ATG4C: variants seen among roughly 807,000 people sequenced by gnomAD.
ATG4C encodes the protein autophagy related 4C cysteine peptidase.
A neutral mutation model predicts 57.6 loss-of-function variants in ATG4C; 56 were observed. The ratio of observed to expected loss-of-function variants is 0.97; its 90% CI spans 0.78 to 1.21. The LOEUF is 1.21. Ranked by LOEUF, ATG4C falls within the 50% of genes most tolerant of loss-of-function variation. The probability of loss-of-function intolerance (pLI) is 0.00; values close to 1 mark genes in which losing one functional copy is unlikely to be tolerated. For synonymous variants in ATG4C, 157 were observed against 174.1 expected (o/e 0.90, Z 0.78); for missense variants, 595 against 529.8 (o/e 1.12, Z -1.21).
At chr1:62,804,575 C>A (rs1182902700) in intron 2 of ATG4C, among the ~76,000 whole-genome samples, 3 of 152,070 alleles carry the variant, frequency 2.0e-5, no homozygotes, top group African/African-American at 7.2e-5. Context: ...CCTCTTCCCA[C>A]ACAAAATAGA....
rs190581442 is a variant in ATG4C at position 62,828,247 on chromosome 1, A to T, written c.797-793A>T. On this transcript the variant is annotated intron_variant, in intron 6 of 10. Transcript: ENST00000317868. ...TATACTGCTTTCTACAAATGGTTAA[A>T]CTAATCTACACTCCCACCAGTGGTG... 1.7e-4 allele frequency among the ~76,000 whole-genome samples: 26 copies of T among 151,776 alleles called. No homozygotes were observed. In the East Asian group the frequency reaches 2.7e-3, roughly 16 times the overall value.
At chr1:62,842,344 C>T (rs1017867026) in intron 10 of ATG4C, among the ~76,000 whole-genome samples, 7 of 149,612 alleles carry the variant, frequency 4.7e-5, no homozygotes, top group Non-Finnish European at 1.0e-4. Flanking sequence ...TCTTGTTGCC[C>T]AGGCTGGAGT....
intron 9 of ATG4C, among the ~76,000 whole-genome samples, chr1:62,839,231 A>AT (rs914692209): frequency 6.6e-6 from 1 of 151,342 alleles, no homozygotes; most frequent in African/African-American, 2.4e-5. Context: ...GCTATTTAAA[A>AT]TTTTTTTTTA....
chr1:62,836,357 T>G (rs1292782696), intron 9 of ATG4C, among the ~76,000 whole-genome samples: 1 of 152,106 alleles, frequency 6.6e-6, no homozygotes, highest in Non-Finnish European at 1.5e-5. Flanking sequence ...AGTGGGACAC[T>G]TATAGAATGG....
At chr1:62,854,012 C>T (rs1408868196) in intron 10 of ATG4C, among the ~76,000 whole-genome samples, 1 of 151,700 alleles carries the variant, frequency 6.6e-6, no homozygotes, top group African/African-American at 2.4e-5. Flanking sequence ...TCTGCTTTAC[C>T]TTCTACCTAT....
intron 7 of ATG4C, 50 bp from the exon 8 acceptor site, chr1:62,833,988 A>ATAATT: frequency 2.6e-6 from 4 of 1,521,606 alleles, no homozygotes; most frequent in Non-Finnish European, 3.6e-6. Flanking sequence ...TTTGCTTTGA[A>ATAATT]TAATTACCAC....
intron 10 of ATG4C, among the ~76,000 whole-genome samples, chr1:62,843,528 A>T (rs1666234510): frequency 6.6e-6 from 1 of 152,164 alleles, no homozygotes; most frequent in Admixed American, 6.5e-5. Context: ...AATTAAAATA[A>T]CTTAAAATTA....
chr1:62,792,477 A>C lies in ATG4C; in HGVS notation c.-69+8204A>C, dbSNP rs192943247. On this transcript the variant is annotated intron_variant, in intron 1 of 10. Transcript: ENST00000317868. ...AGATGGGCTCTCCAATGGAAGGATT[A>C]GTTTCAGAGGTTACAACCAGGACCA... is the stretch of plus-strand genomic sequence containing the variant. Among the ~76,000 whole-genome samples, 127 of 152,336 alleles carry C rather than the reference A, an allele frequency of 8.3e-4. 1 individual carries two copies. The highest frequency in any genetic ancestry group is 1.6e-3 in the Non-Finnish European group (111 of 68,024).
intron 10 of ATG4C, among the ~76,000 whole-genome samples, chr1:62,847,849 G>A (rs921835622): frequency 6.6e-6 from 1 of 152,148 alleles, no homozygotes; most frequent in Admixed American, 6.5e-5. Flanking sequence ...TGGAAAACTT[G>A]AAGGTCAGAT....
At chr1:62,826,439 T>C (rs534012110) in intron 6 of ATG4C, among the ~76,000 whole-genome samples, 3 of 151,576 alleles carry the variant, frequency 2.0e-5, no homozygotes, top group South Asian at 4.2e-4. Flanking sequence ...GGTTTCACCA[T>C]GTAAGCCAGG....
At chr1:62,857,575 AC>A (rs1374753775) in intron 10 of ATG4C, among the ~76,000 whole-genome samples, 1 of 151,382 alleles carries the variant, frequency 6.6e-6, no homozygotes, top group South Asian at 2.1e-4. Context: ...ATCCATCCCC[AC>A]CCCCCCAGTC....
In ATG4C at chr1:62,819,219, G is replaced by A; in HGVS notation, c.609G>A (p.Trp203Ter). The A allele has an allele frequency of 6.2e-7, 1 of 1,613,570 alleles. No homozygotes were observed. Among genetic ancestry groups the A allele is most frequent in the African/African-American group, 1.3e-5 (1 of 75,016 alleles). The part of the protein sequence containing the change: ...NEVYHRKIIS[W>*]FGDSPLALFG... ...TTTATCATAGGAAAATCATCTCTTG[G>A]TTTGGTGATTCCCCCTTGGCTCTTT... is the stretch of plus-strand genomic sequence containing the variant. Residue 203 changes from tryptophan (W) to a stop codon, truncating the protein, a stop_gained, in exon 5 of 11, where the codon TGG (tryptophan) becomes TGA (stop). Coordinates refer to ENST00000317868, the MANE Select transcript of ATG4C (RefSeq NM_032852.4). LOFTEE classifies it high-confidence loss of function.
intron 1 of ATG4C, among the ~76,000 whole-genome samples, chr1:62,792,247 G>A (rs1272420106): frequency 1.3e-5 from 2 of 151,890 alleles, no homozygotes; most frequent in East Asian, 1.9e-4. Context: ...CACCCGCCTC[G>A]GCCTCCCAAA....
At chr1:62,813,509 T>G (rs895597708) in intron 3 of ATG4C, among the ~76,000 whole-genome samples, 7 of 152,168 alleles carry the variant, frequency 4.6e-5, no homozygotes, top group Non-Finnish European at 8.8e-5. Flanking sequence ...GAAGAAAACC[T>G]AGGCAATACC....
intron 3 of ATG4C, among the ~76,000 whole-genome samples, chr1:62,808,132 T>C (rs1333765714): frequency 6.6e-6 from 1 of 152,162 alleles, no homozygotes; most frequent in Non-Finnish European, 1.5e-5. Context: ...CTGATGGTAA[T>C]GTAAAAGAAT....
chr1:62,809,816 A>G (rs1665014420), intron 3 of ATG4C, among the ~76,000 whole-genome samples: 1 of 151,988 alleles, frequency 6.6e-6, no homozygotes, highest in Non-Finnish European at 1.5e-5. Context: ...CAAATACAAG[A>G]AAATGCATAT....
intron 6 of ATG4C, among the ~76,000 whole-genome samples, chr1:62,828,681 T>G (rs1372016561): frequency 6.6e-6 from 1 of 152,220 alleles, no homozygotes; most frequent in African/African-American, 2.4e-5. Flanking sequence ...CAATTTTCGC[T>G]TTTGTTGCGA....
intron 6 of ATG4C, among the ~76,000 whole-genome samples, chr1:62,825,232 TC>T (rs1665610878): frequency 1.1e-5 from 1 of 89,222 alleles, no homozygotes; most frequent in Admixed American, 1.4e-4. Flanking sequence ...GGAGACTCCG[TC>T]TAAAAAAAAA....
At chr1:62,821,291 A>G in intron 6 of ATG4C, 82 bp downstream of exon 6, 1 of 829,470 alleles carries the variant, frequency 1.2e-6, no homozygotes, top group Non-Finnish European at 1.8e-6. Context: ...GTAATACTGT[A>G]AATGATTATG....
Sources: allele counts gnomAD v4.1 joint callset (sites outside exome capture counted in the v4.1 genomes callset), GRCh38; gene constraint gnomAD v4.1.1; transcripts MANE v1.5; gene names NCBI Gene and HGNC (gene_info 2026-07-23, HGNC 2026-07-21).